The following STK32A variants were observed in gnomAD, a reference collection of about 807,000 sequenced individuals.
The protein encoded by STK32A is serine/threonine kinase 32A.
Under a neutral mutation model 53.2 loss-of-function variants are expected in STK32A, and 41 were observed. The observed-to-expected ratio is 0.77, with a 90% CI of 0.60 to 1.00. STK32A has a LOEUF of 1.00. Ranked by LOEUF, STK32A falls within the 50% of genes least tolerant of loss-of-function variation. The pLI, the probability that STK32A is intolerant of heterozygous loss-of-function variation, is 0.00. For missense variants in STK32A, 458 were observed against 485.8 expected (o/e 0.94, Z 0.54); for synonymous variants, 166 against 162.8 (o/e 1.02, Z -0.15).
At chr5:147,280,538 C>A (rs1011260565) in intron 4 of STK32A, among the ~76,000 whole-genome samples, 2 of 151,932 alleles carry the variant, frequency 1.3e-5, no homozygotes, top group African/African-American at 4.8e-5. Flanking sequence ...TCCTGACAAT[C>A]TGCATGTTTC....
intron 11 of STK32A, among the ~76,000 whole-genome samples, chr5:147,376,844 T>C (rs1226237163): frequency 1.3e-5 from 2 of 152,158 alleles, no homozygotes; most frequent in Non-Finnish European, 2.9e-5. Flanking sequence ...TTTTACATAT[T>C]CTGGATATTG....
chr5:147,371,770 A>G (rs912624599), intron 9 of STK32A, among the ~76,000 whole-genome samples: 3 of 152,176 alleles, frequency 2.0e-5, no homozygotes, highest in South Asian at 2.1e-4. Context: ...CAAGGTGTCT[A>G]TGTGGGGTGC....
chr5:147,247,982 G>A (rs1262450135), intron 2 of STK32A, among the ~76,000 whole-genome samples: 1 of 152,016 alleles, frequency 6.6e-6, no homozygotes, highest in Non-Finnish European at 1.5e-5. Context: ...TTAGCTGGGT[G>A]TGGTGGGGCC....
chr5:147,261,034 C>G (rs1166085421), intron 2 of STK32A, among the ~76,000 whole-genome samples: 1 of 152,138 alleles, frequency 6.6e-6, no homozygotes, highest in Non-Finnish European at 1.5e-5. Context: ...TGGCCACTTT[C>G]TTTTTTTCCC....
At position 147,367,579 on chromosome 5, in the gene STK32A, G is replaced by T. The variant is rs1756817589; in HGVS notation, c.661-3075G>T. On this transcript the variant is annotated intron_variant, in intron 8 of 12. Transcript: ENST00000397936. Reference sequence around the variant, plus strand: ...AAAGGAAAAAGGGGGGTTGTTCTCTGGTGGGCAGGGGTGAGGATCACAAGG... The same window carrying T: ...AAAGGAAAAAGGGGGGTTGTTCTCTTGTGGGCAGGGGTGAGGATCACAAGG... Among the ~76,000 whole-genome samples the T allele has an allele frequency of 2.6e-5, 4 of 152,210 alleles. No individual in the cohort carries two copies. In the South Asian group the frequency reaches 8.3e-4, roughly 32 times the overall value.
At chr5:147,363,509 C>A (rs950070364) in intron 8 of STK32A, among the ~76,000 whole-genome samples, 3 of 152,182 alleles carry the variant, frequency 2.0e-5, no homozygotes, top group African/African-American at 7.2e-5. Flanking sequence ...AGCCAGTGCA[C>A]TCTGGACCTG....
At chr5:147,247,371 T>C (rs1178423314) in intron 2 of STK32A, among the ~76,000 whole-genome samples, 1 of 152,264 alleles carries the variant, frequency 6.6e-6, no homozygotes, top group Non-Finnish European at 1.5e-5. Flanking sequence ...AATAACATTC[T>C]TGTTAAAACA....
intron 5 of STK32A, among the ~76,000 whole-genome samples, chr5:147,333,226 G>T (rs1374381089): frequency 6.6e-6 from 1 of 152,108 alleles, no homozygotes; most frequent in Non-Finnish European, 1.5e-5. Flanking sequence ...TGTTTGGTAG[G>T]TTAGGTGAAG....
In STK32A at chr5:147,386,973, T is replaced by C. The variant is rs758745371; in HGVS notation, c.*2990T>C. 3 of 152,126 alleles carry C rather than the reference T, an allele frequency of 2.0e-5. No homozygotes were observed. The highest frequency in any genetic ancestry group is 4.8e-5 in the African/African-American group (2 of 41,406). The allele number at this position is 152,126 out of a possible 1,614,324, so 9.4% of individuals were successfully genotyped here. A position where few individuals can be genotyped will look rare whatever the true frequency, so the allele number is the denominator to read the frequency against. On this transcript the variant is annotated 3_prime_UTR_variant, in exon 13 of 13. Coordinates refer to ENST00000397936, the MANE Select transcript of STK32A (RefSeq NM_001112724.2). ...TAGGTGGAACATGTCTCTTCCGGAG[T>C]TGTGACAACCGAGGCTCAGAGCTGT...
chr5:147,255,951 G>A (rs1247026318), intron 2 of STK32A, among the ~76,000 whole-genome samples: 1 of 152,128 alleles, frequency 6.6e-6, no homozygotes, highest in Admixed American at 6.5e-5. Context: ...GACCCATAAG[G>A]GGCTTCTCTC....
chr5:147,237,350 T>C (rs1034799860), intron 1 of STK32A, among the ~76,000 whole-genome samples: 2 of 152,108 alleles, frequency 1.3e-5, no homozygotes, highest in Non-Finnish European at 2.9e-5. Context: ...GGACCATTCA[T>C]CTCTTTCTAG....
intron 9 of STK32A, among the ~76,000 whole-genome samples, chr5:147,371,617 C>A (rs1757010069): frequency 6.6e-6 from 1 of 152,126 alleles, no homozygotes; most frequent in African/African-American, 2.4e-5. Context: ...TTCTGCAGGT[C>A]TATTGTAAGT....
intron 6 of STK32A, chr5:147,348,956 T>C: frequency 6.3e-6 from 3 of 477,884 alleles, no homozygotes; most frequent in Non-Finnish European, 1.2e-5. Flanking sequence ...ACACAGCTAG[T>C]TAGTGGTAGA....
chr5:147,282,002 C>G (rs1238488353), intron 4 of STK32A, among the ~76,000 whole-genome samples: 1 of 152,150 alleles, frequency 6.6e-6, no homozygotes, highest in African/African-American at 2.4e-5. Context: ...TCCAGTGAAA[C>G]TAAGCATCAT....
At position 147,327,148 on chromosome 5, in the gene STK32A, C is replaced by T. The variant is rs182377241; in HGVS notation, c.434+3077C>T. ...TGTACATGGTAAAAGAAGCAGTGATCCCTTTGTTTAAGGAATTTAAATGAT... is the reference window on the plus strand; with the variant it reads ...TGTACATGGTAAAAGAAGCAGTGATTCCTTTGTTTAAGGAATTTAAATGAT... On this transcript the variant is annotated intron_variant, in intron 5 of 12. Coordinates refer to ENST00000397936, the MANE Select transcript of STK32A (RefSeq NM_001112724.2). Among the ~76,000 whole-genome samples the T allele has an allele frequency of 3.3e-5, 5 of 152,234 alleles. No homozygotes were observed. In the East Asian group the frequency reaches 9.7e-4, roughly 29 times the overall value.
chr5:147,302,707 G>A (rs1164960027), intron 4 of STK32A, among the ~76,000 whole-genome samples: 2 of 152,144 alleles, frequency 1.3e-5, no homozygotes, highest in Non-Finnish European at 2.9e-5. Context: ...ATGAGGAAGA[G>A]AGGTAAGCTA....
chr5:147,357,601 G>T (rs750980007), intron 7 of STK32A, among the ~76,000 whole-genome samples: 39 of 152,000 alleles, frequency 2.6e-4, no homozygotes, highest in Non-Finnish European at 4.0e-4. Context: ...GACATGAAAA[G>T]CTTGCTAAAA....
At chr5:147,235,441 A>G (rs923633029) in intron 1 of STK32A, among the ~76,000 whole-genome samples, 2 of 152,214 alleles carry the variant, frequency 1.3e-5, no homozygotes, top group Admixed American at 6.5e-5. Context: ...GGGTTGAGAC[A>G]AGTGAGTGGA....
chr5:147,351,297 C>T (rs1432568409), intron 7 of STK32A, 143 bp downstream of exon 7: 4 of 677,646 alleles, frequency 5.9e-6, no homozygotes, highest in Non-Finnish European at 1.0e-5. Context: ...CATGGGTCTT[C>T]TCCACTAGCA....
Sources: allele counts gnomAD v4.1 joint callset (sites outside exome capture counted in the v4.1 genomes callset), GRCh38; gene constraint gnomAD v4.1.1; transcripts MANE v1.5; gene names NCBI Gene and HGNC (gene_info 2026-07-23, HGNC 2026-07-21).